Variants in TMEFF2 observed in about 807,000 individuals in gnomAD.
TMEFF2 encodes transmembrane protein with EGF like and two follistatin like domains 2.
In TMEFF2, 28 loss-of-function variants were observed where a neutral mutation model predicts 53.8. The ratio of observed to expected loss-of-function variants is 0.52; its 90% CI spans 0.39 to 0.71. The LOEUF (loss-of-function observed/expected upper bound fraction) is 0.71, where lower values mean the gene tolerates loss of function less well. TMEFF2 is among the 30% of genes least tolerant of loss of function. The pLI is 0.00. For missense variants in TMEFF2, 353 were observed against 455.2 expected, an observed-to-expected ratio of 0.78 and a Z score of 2.04; for synonymous variants, 162 against 166.3, an observed-to-expected ratio of 0.97 and a Z score of 0.20.
chr2:192,193,550 G>C (rs142138419), intron 1 of TMEFF2, among the ~76,000 whole-genome samples: 1,564 of 152,220 alleles, frequency 0.01, 23 homozygotes, highest in African/African-American at 0.035. Context: ...CACTGAAGTC[G>C]GTTCCGCCCT....
At chr2:191,954,995 A>G (rs1036559028) in intron 8 of TMEFF2, among the ~76,000 whole-genome samples, 2 of 152,088 alleles carry the variant, frequency 1.3e-5, no homozygotes, top group Non-Finnish European at 2.9e-5. Context: ...GAAGGGTTTA[A>G]TAATAATGAC....
chr2:192,098,468 T>C (rs1559125495), intron 4 of TMEFF2, among the ~76,000 whole-genome samples: 1 of 152,138 alleles, frequency 6.6e-6, no homozygotes, highest in African/African-American at 2.4e-5. Context: ...TAAGGGACTG[T>C]CTTTAAAGGA....
At chr2:192,096,679 T>C (rs1338782754) in intron 4 of TMEFF2, among the ~76,000 whole-genome samples, 1 of 139,876 alleles carries the variant, frequency 7.1e-6, no homozygotes, top group Admixed American at 7.1e-5. Context: ...TCTTTTTTTT[T>C]TTTTTTTTTT....
At chr2:191,969,159 A>G (rs1439510445) in intron 7 of TMEFF2, among the ~76,000 whole-genome samples, 17 of 147,392 alleles carry the variant, frequency 1.2e-4, no homozygotes, top group African/African-American at 4.6e-4. Flanking sequence ...GTGTGTATAT[A>G]TATATATAGA....
chr2:191,990,185 T>A (rs1433206515), intron 7 of TMEFF2, among the ~76,000 whole-genome samples: 11 of 152,166 alleles, frequency 7.2e-5, no homozygotes. Context: ...AATGAACAAC[T>A]GGAGGAAACA....
chr2:192,164,353 C>T (rs758931381), intron 4 of TMEFF2, among the ~76,000 whole-genome samples: 7 of 152,122 alleles, frequency 4.6e-5, no homozygotes, highest in Non-Finnish European at 1.0e-4. Flanking sequence ...CTTGTTCTTT[C>T]TACTACTTAA....
intron 4 of TMEFF2, among the ~76,000 whole-genome samples, chr2:192,076,719 A>G (rs1257691014): frequency 6.6e-6 from 1 of 152,108 alleles, no homozygotes; most frequent in Non-Finnish European, 1.5e-5. Flanking sequence ...GGAGAGTGAA[A>G]TTGAAGGAAG....
At chr2:191,951,526 A>G (rs1409479308) in intron 9 of TMEFF2, among the ~76,000 whole-genome samples, 1 of 152,112 alleles carries the variant, frequency 6.6e-6, no homozygotes, top group Non-Finnish European at 1.5e-5. Context: ...ATCAAAGGAA[A>G]TGGGAGGACT....
chr2:192,045,867 C>T (rs569525821), intron 5 of TMEFF2, among the ~76,000 whole-genome samples: 1 of 152,316 alleles, frequency 6.6e-6, no homozygotes, highest in East Asian at 1.9e-4. Context: ...ACTGGATATA[C>T]ATTTTTCTTC....
chr2:192,127,589 G>A (rs1321950436), intron 4 of TMEFF2, among the ~76,000 whole-genome samples: 1 of 152,084 alleles, frequency 6.6e-6, no homozygotes, highest in East Asian at 1.9e-4. Context: ...TATGATTTGG[G>A]GCTAACGTTG....
chr2:192,058,900 T>C (rs1033184312), intron 4 of TMEFF2, among the ~76,000 whole-genome samples: 1 of 152,208 alleles, frequency 6.6e-6, no homozygotes, highest in African/African-American at 2.4e-5. Flanking sequence ...AGACAACTTA[T>C]TAACATGCAC....
intron 7 of TMEFF2, among the ~76,000 whole-genome samples, chr2:191,993,954 CTTA>C (rs1686165170): frequency 6.6e-6 from 1 of 152,012 alleles, no homozygotes. Context: ...TGTCTCTGAA[CTTA>C]TTTTTTATTT....
intron 7 of TMEFF2, among the ~76,000 whole-genome samples, chr2:191,965,827 T>G (rs959234931): frequency 3.9e-5 from 6 of 152,168 alleles, no homozygotes; most frequent in African/African-American, 1.4e-4. Flanking sequence ...ACTTCTGCAA[T>G]GTTCTCTTCT....
At chr2:192,098,091 G>A (rs1688955739) in intron 4 of TMEFF2, among the ~76,000 whole-genome samples, 1 of 152,084 alleles carries the variant, frequency 6.6e-6, no homozygotes, top group African/African-American at 2.4e-5. Context: ...AATGCTTTTG[G>A]CTAGGAAGTG....
At chr2:191,992,826 A>G (rs1262365138) in intron 7 of TMEFF2, 1 of 152,122 alleles carries the variant, frequency 6.6e-6, no homozygotes, top group Non-Finnish European at 1.5e-5. Context: ...AGATTTGAGT[A>G]ACTCTTTTGA....
intron 4 of TMEFF2, among the ~76,000 whole-genome samples, chr2:192,072,645 A>G (rs1410746396): frequency 6.6e-6 from 1 of 151,968 alleles, no homozygotes; most frequent in African/African-American, 2.4e-5. Context: ...ATGAAACGAA[A>G]TACTTAAAAC....
At chr2:192,059,567 T>A (rs180844239) in intron 4 of TMEFF2, among the ~76,000 whole-genome samples, 61 of 152,308 alleles carry the variant, frequency 4.0e-4, no homozygotes, top group African/African-American at 1.4e-3. Flanking sequence ...TCAGGAAAGA[T>A]AAGAACACAA....
rs569467910 is a variant in TMEFF2 at position 192,156,482 on chromosome 2, C to T, written c.439+23186G>A. On this transcript the variant is annotated intron_variant, in intron 4 of 9. Coordinates refer to ENST00000272771, the MANE Select transcript of TMEFF2 (RefSeq NM_016192.4). ...AGTCTGGGTCCTTAATCCTTATACC[C>T]TACTGCCTCCTCATACAACAACCAC... Among the ~76,000 whole-genome samples, 30 of 152,074 alleles carry T rather than the reference C, an allele frequency of 2.0e-4. No homozygotes were observed. In the South Asian group the frequency reaches 5.6e-3, roughly 28 times the overall value.
At chr2:192,135,684 G>C (rs1310801749) in intron 4 of TMEFF2, among the ~76,000 whole-genome samples, 1 of 151,880 alleles carries the variant, frequency 6.6e-6, no homozygotes. Context: ...GGAATGTCAG[G>C]CCTCTGAGCC....
Sources: gnomAD v4.1 joint callset for allele counts (sites outside exome capture counted in the v4.1 genomes callset) on GRCh38, gnomAD v4.1.1 for gene constraint, MANE v1.5 for transcripts, NCBI Gene and HGNC (gene_info 2026-07-23, HGNC 2026-07-21) for gene names.